CNIH3: variants seen among roughly 807,000 people sequenced by gnomAD.
The protein encoded by CNIH3 is protein cornichon homolog 3.
A neutral mutation model predicts 24.1 loss-of-function variants in CNIH3; 14 were observed. The observed-to-expected ratio is 0.58, with a 90% CI of 0.38 to 0.91. The LOEUF (loss-of-function observed/expected upper bound fraction) is 0.91, where lower values mean the gene tolerates loss of function less well. Among genes scored for constraint, CNIH3 ranks in the 40% least tolerant of loss-of-function variants. CNIH3 has a pLI of 0.00. For synonymous variants in CNIH3, 68 were observed against 73.8 expected (o/e 0.92, Z 0.40); for missense variants, 178 against 196.8 (o/e 0.90, Z 0.57).
At chr1:224,730,632 C>T in intron 4 of CNIH3, 58 bp downstream of exon 4, 1 of 1,030,492 alleles carries the variant, frequency 9.7e-7, no homozygotes, top group Non-Finnish European at 1.5e-6. Flanking sequence ...AGCCTGCTCT[C>T]CAGTGATGAT....
downstream of CNIH3, among the ~76,000 whole-genome samples, chr1:224,593,314 C>T (rs1480899024): frequency 1.3e-5 from 2 of 152,084 alleles, no homozygotes; most frequent in African/African-American, 4.8e-5. Flanking sequence ...GGCACCATGC[C>T]CAGCTATCCA....
intron 3 of CNIH3, among the ~76,000 whole-genome samples, chr1:224,596,879 G>A (rs1301694822): frequency 6.6e-6 from 1 of 152,158 alleles, no homozygotes; most frequent in Non-Finnish European, 1.5e-5. Context: ...TTGGCCGGGT[G>A]TGGTGGCTCA....
chr1:224,434,988 C>G, intron 1 of CNIH3: 1 of 985,508 alleles, frequency 1.0e-6, no homozygotes, highest in Non-Finnish European at 1.2e-6. Flanking sequence ...GACTCCTATC[C>G]GATCCTATCC....
intron 2 of CNIH3, among the ~76,000 whole-genome samples, chr1:224,683,633 C>T (rs948665107): frequency 6.6e-6 from 1 of 152,222 alleles, no homozygotes; most frequent in African/African-American, 2.4e-5. Flanking sequence ...CTCTCAATAT[C>T]GTTGGACCCT....
chr1:224,644,676 C>G (rs147409754), intron 1 of CNIH3, among the ~76,000 whole-genome samples: 1 of 152,012 alleles, frequency 6.6e-6, no homozygotes, highest in Non-Finnish European at 1.5e-5. Flanking sequence ...CCCACAGATA[C>G]CTGACTGCTG....
intron 1 of CNIH3, among the ~76,000 whole-genome samples, chr1:224,506,415 C>T (rs1558116172): frequency 6.6e-6 from 1 of 152,234 alleles, no homozygotes; most frequent in Non-Finnish European, 1.5e-5. Flanking sequence ...TCAGCCTTGG[C>T]TTCTGCTCTG....
intron 3 of CNIH3, among the ~76,000 whole-genome samples, chr1:224,702,987 C>T (rs1437554785): frequency 6.6e-6 from 1 of 152,126 alleles, no homozygotes; most frequent in African/African-American, 2.4e-5. Context: ...TTTCCATGTC[C>T]GAACCTCATC....
intron 4 of CNIH3, among the ~76,000 whole-genome samples, chr1:224,733,793 G>A (rs1282896173): frequency 4.4e-4 from 67 of 152,308 alleles, no homozygotes; most frequent in African/African-American, 1.6e-3. Context: ...TCCGGCAGGA[G>A]GCTGTGGCCA....
At chr1:224,550,792 T>C (rs1010369881) in intron 3 of CNIH3, among the ~76,000 whole-genome samples, 1 of 152,096 alleles carries the variant, frequency 6.6e-6, no homozygotes, top group Non-Finnish European at 1.5e-5. Context: ...CATGTTGGTG[T>C]GCTGCACCCA....
At chr1:224,500,592 G>A (rs1415655435) in intron 1 of CNIH3, among the ~76,000 whole-genome samples, 4 of 151,970 alleles carry the variant, frequency 2.6e-5, no homozygotes, top group African/African-American at 9.7e-5. Flanking sequence ...AGGATGGCTT[G>A]AACTCAGGGG....
chr1:224,497,000 A>G (rs1312145156), intron 1 of CNIH3, among the ~76,000 whole-genome samples: 1 of 152,270 alleles, frequency 6.6e-6, no homozygotes, highest in Non-Finnish European at 1.5e-5. Context: ...TGAATGGATA[A>G]ACAAAATGTG....
At chr1:224,625,649 C>T (rs1441360323) in intron 1 of CNIH3, among the ~76,000 whole-genome samples, 2 of 152,208 alleles carry the variant, frequency 1.3e-5, no homozygotes, top group African/African-American at 2.4e-5. Context: ...AACTGAGCTT[C>T]AATCCAGAAT....
At chr1:224,457,387 G>T (rs1376064696) in intron 1 of CNIH3, among the ~76,000 whole-genome samples, 2 of 151,700 alleles carry the variant, frequency 1.3e-5, no homozygotes, top group Non-Finnish European at 2.9e-5. Flanking sequence ...AAGTAGCCTT[G>T]CAGCTGTAGG....
chr1:224,550,336 A>G (rs927410154), intron 3 of CNIH3, among the ~76,000 whole-genome samples: 1 of 152,234 alleles, frequency 6.6e-6, no homozygotes, highest in Non-Finnish European at 1.5e-5. Flanking sequence ...CATTATTATC[A>G]CAGTGTGTAA....
intron 1 of CNIH3, among the ~76,000 whole-genome samples, chr1:224,470,023 CT>C (rs199958550): frequency 1.4e-3 from 196 of 144,690 alleles, no homozygotes; most frequent in Admixed American, 1.9e-3. Context: ...TCTTCTTCTT[CT>C]TTTTTTTTTT....
At chr1:224,563,281 A>C (rs542567756) in intron 3 of CNIH3, among the ~76,000 whole-genome samples, 1 of 152,252 alleles carries the variant, frequency 6.6e-6, no homozygotes, top group Non-Finnish European at 1.5e-5. Flanking sequence ...AAAATGAACT[A>C]AGACAGTCAC....
chr1:224,490,406 C>G (rs182375825), intron 1 of CNIH3, among the ~76,000 whole-genome samples: 112 of 152,250 alleles, frequency 7.4e-4, no homozygotes, highest in African/African-American at 2.1e-3. Flanking sequence ...TTTGTTTTGT[C>G]TCTGGGTGCA....
In CNIH3 at chr1:224,546,898, TG is replaced by T. The variant is rs993318063; in HGVS notation, n.411del. ...ATTTGACATGGGACACAGCAGGTGC[TG>T]GAAGAAGCACATATTTTTAGTGACA... On this transcript the variant is annotated non_coding_transcript_exon_variant, in exon 3 of 6. Transcript: ENST00000471578. 30 of 985,364 alleles carry T rather than the reference TG, an allele frequency of 3.0e-5. No individual in the cohort carries two copies. In the African/African-American group the frequency reaches 5.2e-4, roughly 17 times the overall value. The allele number at this position is 985,364 out of a possible 1,614,324, so 61.0% of individuals were successfully genotyped here. A position where few individuals can be genotyped will look rare whatever the true frequency, so the allele number is the denominator to read the frequency against.
At chr1:224,516,312 CA>C (rs71574505) in intron 1 of CNIH3, among the ~76,000 whole-genome samples, 548 of 67,718 alleles carry the variant, frequency 8.1e-3, no homozygotes, top group Admixed American at 0.027. Context: ...GACTCTGTCT[CA>C]AAAAAAAAAA....
Sources: gnomAD v4.1 joint callset for allele counts (sites outside exome capture counted in the v4.1 genomes callset) on GRCh38, gnomAD v4.1.1 for gene constraint, MANE v1.5 for transcripts, NCBI Gene and HGNC (gene_info 2026-07-23, HGNC 2026-07-21) for gene names.